The following CLNK variants were observed in gnomAD, a reference collection of about 807,000 sequenced individuals.
CLNK encodes the protein cytokine-dependent hematopoietic cell linker.
In CLNK, 74 loss-of-function variants were observed where a neutral mutation model predicts 68.6. The observed-to-expected ratio is 1.08, with a 90% CI of 0.89 to 1.31. The LOEUF (loss-of-function observed/expected upper bound fraction) is 1.31. Ranked by LOEUF, CLNK falls within the 50% of genes most tolerant of loss-of-function variation. The pLI is 0.00. For missense variants in CLNK, 553 were observed against 515.3 expected, an observed-to-expected ratio of 1.07 and a Z score of -0.71; for synonymous variants, 198 against 172.2, an observed-to-expected ratio of 1.15 and a Z score of -1.17.
chr4:10,654,241 C>T (rs1723865754), intron 2 of CLNK, among the ~76,000 whole-genome samples: 1 of 151,584 alleles, frequency 6.6e-6, no homozygotes, highest in African/African-American at 2.4e-5. Context: ...TTGAATTTAT[C>T]TCAGAAATTC....
At chr4:10,721,815 C>T in the CLNK span, among the ~76,000 whole-genome samples, 15 of 151,622 alleles carry the variant, frequency 9.9e-5, no homozygotes, top group African/African-American at 3.4e-4. Flanking sequence ...AAGTACCAAT[C>T]CAACCAAACA....
chr4:10,632,081 A>C lies in CLNK; in HGVS notation c.12-34032T>G, dbSNP rs547060332. ...ATCTCTAATTGGATGACTGATAAGC[A>C]TGTAAAATTTAAAATATCCAAAACG... On this transcript the variant is annotated intron_variant, in intron 2 of 18. Coordinates refer to ENST00000226951, the MANE Select transcript of CLNK (RefSeq NM_052964.4). 5.3e-5 allele frequency among the ~76,000 whole-genome samples: 8 copies of C among 152,342 alleles called. No individual in the cohort carries two copies. The East Asian group carries it at 1.5e-3, about 29-fold the overall frequency.
At chr4:10,580,275 A>T (rs536525402) in intron 4 of CLNK, among the ~76,000 whole-genome samples, 1 of 152,356 alleles carries the variant, frequency 6.6e-6, no homozygotes, top group East Asian at 1.9e-4. Context: ...TGCCAGTCAT[A>T]TGAAAGTCTA....
At chr4:10,698,231 A>G in the CLNK span, among the ~76,000 whole-genome samples, 1 of 152,110 alleles carries the variant, frequency 6.6e-6, no homozygotes, top group African/African-American at 2.4e-5. Context: ...ACTAGATAAC[A>G]TTAAAGACAA....
the CLNK span, among the ~76,000 whole-genome samples, chr4:10,709,049 C>G: frequency 2.0e-4 from 31 of 152,156 alleles, no homozygotes; most frequent in African/African-American, 7.2e-4. Flanking sequence ...CAGGGAGACT[C>G]ACTTAATCAT....
intron 7 of CLNK, among the ~76,000 whole-genome samples, chr4:10,562,036 G>A (rs1295717352): frequency 1.3e-5 from 2 of 151,990 alleles, no homozygotes; most frequent in African/African-American, 2.4e-5. Flanking sequence ...TTGTGCTTCA[G>A]GCTGGAAGCA....
At chr4:10,610,212 G>A (rs1285736485) in intron 2 of CLNK, among the ~76,000 whole-genome samples, 60 of 150,070 alleles carry the variant, frequency 4.0e-4, no homozygotes, top group East Asian at 1.6e-3. Flanking sequence ...GCCCGCCACT[G>A]CGCCCGGCTA....
chr4:10,728,885 T>C, the CLNK span, among the ~76,000 whole-genome samples: 144 of 152,192 alleles, frequency 9.5e-4, no homozygotes, highest in East Asian at 0.02. Context: ...AGGTGTGAGC[T>C]ACCACACCCG....
chr4:10,661,179 G>C (rs1056502471), intron 2 of CLNK, among the ~76,000 whole-genome samples: 3 of 152,174 alleles, frequency 2.0e-5, no homozygotes, highest in African/African-American at 7.2e-5. Flanking sequence ...ATGTCATGAA[G>C]GAAAATAATG....
chr4:10,542,795 C>T (rs757589339), intron 8 of CLNK, among the ~76,000 whole-genome samples: 6 of 151,322 alleles, frequency 4.0e-5, no homozygotes, highest in Middle Eastern at 3.2e-3. Context: ...CTGAAGACCC[C>T]CAGAATCCAA....
chr4:10,544,287 T>C (rs924254350), intron 8 of CLNK, among the ~76,000 whole-genome samples: 55 of 152,232 alleles, frequency 3.6e-4, no homozygotes, highest in African/African-American at 1.3e-3. Flanking sequence ...GAATAGGACA[T>C]CTATCTTCTT....
the CLNK span, among the ~76,000 whole-genome samples, chr4:10,720,822 G>A: frequency 6.6e-6 from 1 of 151,098 alleles, no homozygotes; most frequent in Non-Finnish European, 1.5e-5. Flanking sequence ...ACTAACAATT[G>A]CACTCCTGGG....
At chr4:10,683,115 T>A (rs982848683) in intron 1 of CLNK, among the ~76,000 whole-genome samples, 1 of 152,156 alleles carries the variant, frequency 6.6e-6, no homozygotes, top group East Asian at 1.9e-4. Flanking sequence ...TCTTATGAGA[T>A]CTTACTTTAT....
At chr4:10,668,673 G>T (rs1724506878) in intron 1 of CLNK, among the ~76,000 whole-genome samples, 1 of 152,220 alleles carries the variant, frequency 6.6e-6, no homozygotes, top group Admixed American at 6.5e-5. Context: ...TCACATGCCT[G>T]GGCTTGGAGG....
At chr4:10,537,635 T>TC (rs1560206749) in intron 11 of CLNK, among the ~76,000 whole-genome samples, 31 of 122,174 alleles carry the variant, frequency 2.5e-4, no homozygotes, top group Middle Eastern at 4.4e-3. Flanking sequence ...CTTTCTTTCT[T>TC]TCTCTTTCTT....
intron 11 of CLNK, among the ~76,000 whole-genome samples, chr4:10,539,132 C>T (rs1457036348): frequency 6.6e-6 from 1 of 152,176 alleles, no homozygotes; most frequent in Non-Finnish European, 1.5e-5. Context: ...AATGTGAGAA[C>T]TAATACAAAC....
intron 2 of CLNK, among the ~76,000 whole-genome samples, chr4:10,611,171 A>C (rs1272602210): frequency 6.6e-6 from 1 of 152,204 alleles, no homozygotes; most frequent in Non-Finnish European, 1.5e-5. Context: ...TACAAAAATT[A>C]GCTGGGTGTG....
At chr4:10,594,648 A>G (rs1447630753) in intron 3 of CLNK, among the ~76,000 whole-genome samples, 1 of 152,220 alleles carries the variant, frequency 6.6e-6, no homozygotes, top group Non-Finnish European at 1.5e-5. Flanking sequence ...GGCTGGGCAC[A>G]TGCTCCTTCC....
intron 18 of CLNK, among the ~76,000 whole-genome samples, chr4:10,496,957 C>T (rs1249902799): frequency 6.6e-6 from 1 of 152,172 alleles, no homozygotes; most frequent in African/African-American, 2.4e-5. Flanking sequence ...TTCGATAAAT[C>T]TCTGTTTTTG....
Sources: gnomAD v4.1 joint callset for allele counts (sites outside exome capture counted in the v4.1 genomes callset) on GRCh38, gnomAD v4.1.1 for gene constraint, MANE v1.5 for transcripts, NCBI Gene and HGNC (gene_info 2026-07-23, HGNC 2026-07-21) for gene names.